COBL: variants seen among roughly 807,000 people sequenced by gnomAD.
COBL encodes cordon-bleu WH2 repeat protein, also known as protein cordon-bleu.
COBL carries 51 observed loss-of-function variants against 98.8 expected under a neutral mutation model. The observed-to-expected ratio is 0.52, with a 90% CI of 0.41 to 0.65. The LOEUF (loss-of-function observed/expected upper bound fraction) is 0.65. Among genes scored for constraint, COBL ranks in the 30% least tolerant of loss-of-function variants. The pLI is 0.00. For missense variants in COBL, 1,617 were observed against 1,617.5 expected (o/e 1.00, Z 0.01); for synonymous variants, 634 against 651.7 (o/e 0.97, Z 0.41).
At chr7:51,219,200 G>A (rs1027485519) in intron 2 of COBL, among the ~76,000 whole-genome samples, 14 of 152,218 alleles carry the variant, frequency 9.2e-5, no homozygotes, top group African/African-American at 3.4e-4. Context: ...TGGGAACTGA[G>A]GGTCTCAAAT....
chr7:51,284,918 AAG>A (rs1311942947), intron 1 of COBL, among the ~76,000 whole-genome samples: 2 of 151,912 alleles, frequency 1.3e-5, no homozygotes, highest in African/African-American at 2.4e-5. Context: ...GGAACAAGGT[AAG>A]AGTGTGTATT....
At position 51,029,470 on chromosome 7, in the gene COBL, T is replaced by C. The variant is rs762172259; in HGVS notation, c.1626A>G (p.Thr542=). 6.2e-7 allele frequency: 1 copy of C among 1,614,174 alleles called. No individual in the cohort carries two copies. Among genetic ancestry groups the C allele is most frequent in the South Asian group, 1.1e-5 (1 of 91,086 alleles). ...PHGDTDAIPV[T]FIGEVSDDPV... is the part of the protein sequence containing the mutation. ...GATCATCTGAAACTTCCCCTATGAA[T>C]GTTACTGGGATTGCATCTGTGTCGC... Residue 542 remains threonine, a synonymous_variant, in exon 10 of 13, where the codon ACA becomes ACG. Transcript: ENST00000265136.
chr7:51,145,110 G>A (rs555193286), intron 5 of COBL, among the ~76,000 whole-genome samples: 1 of 152,192 alleles, frequency 6.6e-6, no homozygotes, highest in African/African-American at 2.4e-5. Context: ...TGCCTCCCAG[G>A]TTCAAGCGAT....
intron 5 of COBL, among the ~76,000 whole-genome samples, chr7:51,138,704 G>A (rs1258182314): frequency 6.6e-6 from 1 of 152,154 alleles, no homozygotes; most frequent in Non-Finnish European, 1.5e-5. Context: ...TCACACATGT[G>A]AACACACATT....
In COBL at chr7:51,224,905, G is replaced by A. The variant is rs376632785; in HGVS notation, c.42-4961C>T. Among the ~76,000 whole-genome samples the A allele has an allele frequency of 2.3e-4, 35 of 152,136 alleles. 2 individuals carry two copies. The highest frequency in any genetic ancestry group is 1.6e-3 in the Admixed American group (25 of 15,280). On this transcript the variant is annotated intron_variant, in intron 1 of 12. Transcript: ENST00000265136. ...GGCTACTCCTGACCTCAGGTGATCC[G>A]CCTGCATGTGGGTGACCTGTGCGTG...
At chr7:51,280,172 ATTT>A (rs530071338) in intron 1 of COBL, among the ~76,000 whole-genome samples, 5 of 150,172 alleles carry the variant, frequency 3.3e-5, no homozygotes, top group African/African-American at 1.2e-4. Flanking sequence ...TCAGTTTAAC[ATTT>A]TTTTTTTCCC....
intron 2 of COBL, among the ~76,000 whole-genome samples, chr7:51,208,601 C>T (rs998163646): frequency 6.6e-6 from 1 of 152,196 alleles, no homozygotes; most frequent in Non-Finnish European, 1.5e-5. Context: ...ATGACAGTGG[C>T]GGTTTTGTGC....
intron 6 of COBL, among the ~76,000 whole-genome samples, chr7:51,097,383 G>A (rs1156581260): frequency 2.0e-5 from 3 of 152,122 alleles, no homozygotes; most frequent in Admixed American, 1.3e-4. Context: ...TCTTTAAGAC[G>A]AGGAAGAAGG....
At position 51,177,771 on chromosome 7, in the gene COBL, C is replaced by CA. The variant is rs1238520444; in HGVS notation, c.783+6330dup. On this transcript the variant is annotated intron_variant, in intron 5 of 12. Coordinates refer to ENST00000265136, the MANE Select transcript of COBL (RefSeq NM_015198.5). ...CTGGGCGACAGAGAGGACTCTGTCTCAAAAAAATAAATAAATAAATAAATA... is the reference window on the plus strand; with the variant it reads ...CTGGGCGACAGAGAGGACTCTGTCTCAAAAAAAATAAATAAATAAATAAATA... 1.9e-3 allele frequency among the ~76,000 whole-genome samples: 191 copies of CA among 98,070 alleles called. 1 individual carries two copies. Among genetic ancestry groups the CA allele is most frequent in the African/African-American group, 7.4e-3 (183 of 24,730 alleles). The allele number at this position is 98,070 out of a possible 152,430, so 64.3% of individuals were successfully genotyped here. A position where few individuals can be genotyped will look rare whatever the true frequency, so the allele number is the denominator to read the frequency against.
chr7:51,172,451 C>T (rs1787964704), intron 5 of COBL: 1 of 1,287,472 alleles, frequency 7.8e-7, no homozygotes, highest in Admixed American at 2.3e-5. Context: ...GGCATTAGTA[C>T]TCACGTTCAA....
chr7:51,074,689 AT>A (rs1238146387), intron 7 of COBL, among the ~76,000 whole-genome samples: 6 of 152,240 alleles, frequency 3.9e-5, no homozygotes, highest in Admixed American at 2.0e-4. Flanking sequence ...TTGAGCACTC[AT>A]GAAAATCAAA....
intron 5 of COBL, among the ~76,000 whole-genome samples, chr7:51,156,786 T>C (rs969135255): frequency 7.3e-5 from 11 of 151,608 alleles, no homozygotes; most frequent in African/African-American, 2.7e-4. Context: ...TAAATGGAAC[T>C]GCTGAAGAAT....
chr7:51,097,977 T>C (rs939087301), intron 6 of COBL, among the ~76,000 whole-genome samples: 3 of 146,484 alleles, frequency 2.0e-5, no homozygotes, highest in African/African-American at 5.1e-5. Flanking sequence ...TGAGCCAAGA[T>C]TGCGCCACTG....
chr7:51,123,052 G>A (rs938389372), intron 6 of COBL, among the ~76,000 whole-genome samples: 7 of 152,046 alleles, frequency 4.6e-5, no homozygotes, highest in Non-Finnish European at 1.0e-4. Context: ...GTTTAGTTAG[G>A]CCTGAAAGAA....
At chr7:51,232,734 C>A (rs531923808) in intron 1 of COBL, among the ~76,000 whole-genome samples, 29 of 152,060 alleles carry the variant, frequency 1.9e-4, no homozygotes, top group Non-Finnish European at 3.8e-4. Context: ...TTGCTTGAAC[C>A]TGGGAGACGG....
chr7:51,105,666 G>A (rs1190884747), intron 6 of COBL, among the ~76,000 whole-genome samples: 1 of 151,988 alleles, frequency 6.6e-6, no homozygotes, highest in Non-Finnish European at 1.5e-5. Context: ...CAGGAGGATT[G>A]ATTGAGCCCA....
intron 1 of COBL, among the ~76,000 whole-genome samples, chr7:51,301,337 TCCTATCTGAGCAGGAGCCTCACAG>T (rs1801947712): frequency 2.0e-5 from 3 of 152,130 alleles, no homozygotes; most frequent in Admixed American, 2.0e-4. Flanking sequence ...GGCATCTCCT[TCCTATCTGAGCAGGAGCCTCACAG>T]CCCGTGCTCT....
intron 7 of COBL, chr7:51,073,286 G>C: frequency 1.5e-6 from 1 of 650,144 alleles, no homozygotes; most frequent in Non-Finnish European, 2.8e-6. Context: ...AGGAAAATCA[G>C]AGCCAGGGCA....
At chr7:51,062,933 T>G (rs964277011) in intron 7 of COBL, among the ~76,000 whole-genome samples, 1 of 152,086 alleles carries the variant, frequency 6.6e-6, no homozygotes, top group Non-Finnish European at 1.5e-5. Flanking sequence ...TGCTCAGGAC[T>G]CCAACCCAGC....
Sources: allele counts gnomAD v4.1 joint callset (sites outside exome capture counted in the v4.1 genomes callset), GRCh38; gene constraint gnomAD v4.1.1; transcripts MANE v1.5; gene names NCBI Gene and HGNC (gene_info 2026-07-23, HGNC 2026-07-21).